INPP4B: variants seen among roughly 807,000 people sequenced by gnomAD.
INPP4B encodes the protein inositol polyphosphate 4-phosphatase type II.
In INPP4B, 55 loss-of-function variants were observed where a neutral mutation model predicts 122.5. The ratio of observed to expected loss-of-function variants is 0.45; its 90% CI spans 0.36 to 0.56. The LOEUF is 0.56. Ranked by LOEUF, INPP4B falls within the 20% of genes least tolerant of loss-of-function variation. The probability of loss-of-function intolerance (pLI) is 0.00; values close to 1 mark genes in which losing one functional copy is unlikely to be tolerated. For synonymous variants in INPP4B, 403 were observed against 388.7 expected (o/e 1.04, Z -0.43); for missense variants, 1,000 against 1,097.7 (o/e 0.91, Z 1.26).
chr4:142,246,958 C>T lies in INPP4B; in HGVS notation c.689-8947G>A, dbSNP rs566013168. ...TTGTCATAAACAGCTCCTATTATTT[C>T]GAAATATGTTCCATCAATACCTACT... On this transcript the variant is annotated intron_variant, in intron 11 of 25. Transcript: ENST00000262992. Among the ~76,000 whole-genome samples, 48 of 152,110 alleles carry T rather than the reference C, an allele frequency of 3.2e-4. No individual in the cohort carries two copies. The East Asian group carries it at 4.8e-3, about 15-fold the overall frequency.
intron 1 of INPP4B, among the ~76,000 whole-genome samples, chr4:142,845,331 T>G (rs1217667962): frequency 6.6e-6 from 1 of 152,122 alleles, no homozygotes; most frequent in Non-Finnish European, 1.5e-5. Flanking sequence ...ATCCTCATCT[T>G]CATATCAGCT....
At chr4:142,482,573 T>C (rs938149149) in intron 2 of INPP4B, among the ~76,000 whole-genome samples, 7 of 152,144 alleles carry the variant, frequency 4.6e-5, no homozygotes, top group Non-Finnish European at 1.0e-4. Context: ...AACTCCAAAG[T>C]AAAAGAATTT....
At chr4:142,404,359 A>G (rs1024653528) in intron 6 of INPP4B, among the ~76,000 whole-genome samples, 3 of 152,212 alleles carry the variant, frequency 2.0e-5, no homozygotes, top group Non-Finnish European at 2.9e-5. Context: ...CATTCAAAAC[A>G]TATGCAGCTC....
chr4:142,107,209 A>G (rs146014283), intron 23 of INPP4B, among the ~76,000 whole-genome samples: 1,766 of 152,252 alleles, frequency 0.012, 109 homozygotes, highest in Admixed American at 0.098. Flanking sequence ...ATATTTGGAT[A>G]CCACATTCAT....
intron 11 of INPP4B, among the ~76,000 whole-genome samples, chr4:142,246,663 C>A (rs998157703): frequency 2.6e-5 from 4 of 152,170 alleles, no homozygotes; most frequent in African/African-American, 9.7e-5. Context: ...TGAGACTTTG[C>A]TGAAGTTGCT....
chr4:142,071,018 T>C lies in INPP4B; in HGVS notation c.2642+11013A>G, dbSNP rs1766940314. 2.0e-5 allele frequency among the ~76,000 whole-genome samples: 3 copies of C among 152,086 alleles called. No homozygotes were observed. In the South Asian group the frequency reaches 6.2e-4, roughly 31 times the overall value. ...GTTTATATAGAACCAAATAAGAGCCTGCATTACCAAGACAATCTTAAGCCA... is the reference window on the plus strand; with the variant it reads ...GTTTATATAGAACCAAATAAGAGCCCGCATTACCAAGACAATCTTAAGCCA... On this transcript the variant is annotated intron_variant, in intron 25 of 25. Transcript: ENST00000262992.
chr4:142,626,245 T>C (rs182868301), intron 2 of INPP4B, among the ~76,000 whole-genome samples: 35 of 152,220 alleles, frequency 2.3e-4, no homozygotes, highest in Non-Finnish European at 4.3e-4. Context: ...GTGAACATGA[T>C]GGACTATCAT....
rs569376058 is a variant in INPP4B, at chr4:142,398,272, G to A, written c.372+4666C>T. On this transcript the variant is annotated intron_variant, in intron 7 of 25. Coordinates refer to ENST00000262992, the MANE Select transcript of INPP4B (RefSeq NM_001101669.3). ...GGGCGCCTGTAGTCCCAGCTACTCG[G>A]GAGGCTGAGGCAGGAGAATGGCGTA... Among the ~76,000 whole-genome samples, 1,198 of 148,830 alleles carry A rather than the reference G, an allele frequency of 8.0e-3. 20 individuals are homozygous for A. The highest frequency in any genetic ancestry group is 0.027 in the African/African-American group (1,091 of 40,352).
intron 9 of INPP4B, among the ~76,000 whole-genome samples, chr4:142,279,980 C>G (rs1371382909): frequency 6.6e-6 from 1 of 151,856 alleles, no homozygotes; most frequent in Non-Finnish European, 1.5e-5. Context: ...ATATGGATGG[C>G]AAATAGCACA....
At chr4:142,401,764 G>A (rs1472882756) in intron 7 of INPP4B, among the ~76,000 whole-genome samples, 2 of 152,120 alleles carry the variant, frequency 1.3e-5, no homozygotes, top group Non-Finnish European at 2.9e-5. Context: ...TATATGGAAC[G>A]GAATCAGAAA....
Position 142,598,740 on chromosome 4 carries a change from G to A in INPP4B, c.-191+127099C>T, listed in dbSNP as rs1357036044. On this transcript the variant is annotated intron_variant, in intron 2 of 25. Coordinates refer to ENST00000262992, the MANE Select transcript of INPP4B (RefSeq NM_001101669.3). ...AGCAGCAGCACAACTTTTGTGCTTGGCCTTGTAAGCAGAGAATGAGAGCCC... is the reference window on the plus strand; with the variant it reads ...AGCAGCAGCACAACTTTTGTGCTTGACCTTGTAAGCAGAGAATGAGAGCCC... 2.0e-5 allele frequency among the ~76,000 whole-genome samples: 3 copies of A among 152,274 alleles called. No individual in the cohort carries two copies. In the South Asian group the frequency reaches 6.2e-4, roughly 32 times the overall value.
chr4:142,161,597 G>A (rs933374409), intron 16 of INPP4B, among the ~76,000 whole-genome samples: 2 of 151,668 alleles, frequency 1.3e-5, no homozygotes, highest in Non-Finnish European at 1.5e-5. Flanking sequence ...TTATTTCTTG[G>A]TGCACTCTCA....
chr4:142,434,331 T>C (rs1384819133), intron 3 of INPP4B, among the ~76,000 whole-genome samples: 1 of 152,160 alleles, frequency 6.6e-6, no homozygotes, highest in African/African-American at 2.4e-5. Context: ...GTGGTGCTCC[T>C]CTCTAGGACT....
chr4:142,693,890 C>A (rs572474953), intron 2 of INPP4B, among the ~76,000 whole-genome samples: 2 of 151,944 alleles, frequency 1.3e-5, no homozygotes, highest in Non-Finnish European at 1.5e-5. Flanking sequence ...GAAGAAAAAG[C>A]CTTGAAAACT....
chr4:142,285,163 AT>A (rs1452098271), intron 9 of INPP4B, among the ~76,000 whole-genome samples: 1 of 151,966 alleles, frequency 6.6e-6, no homozygotes. Context: ...ACTCTGGAGC[AT>A]TGGGATTAAT....
At position 142,237,846 on chromosome 4, in the gene INPP4B, A is replaced by T; in HGVS notation, c.836+18T>A. ...TATAAAATAATTAATATGAGAGAAA[A>T]TAGTTATTTTCTCTTACCTGCACAA... On this transcript the variant is annotated intron_variant, in intron 12 of 25. Transcript: ENST00000262992. 1 of 1,429,904 alleles carries T rather than the reference A, an allele frequency of 7.0e-7. No homozygotes were observed. Among genetic ancestry groups the T allele is most frequent in the South Asian group, 1.3e-5 (1 of 74,360 alleles). 88.6% of individuals were successfully genotyped at this position (1,429,904 alleles called of 1,614,324 possible).
intron 2 of INPP4B, among the ~76,000 whole-genome samples, chr4:142,584,830 G>GC (rs1483413769): frequency 2.6e-5 from 4 of 152,214 alleles, no homozygotes; most frequent in Non-Finnish European, 5.9e-5. Flanking sequence ...TGAGGGCAGA[G>GC]TATCTACAGA....
rs1488667021 is a variant in INPP4B at position 142,118,824 on chromosome 4, C to T, written c.2135+3304G>A. 3.9e-5 allele frequency among the ~76,000 whole-genome samples: 6 copies of T among 152,208 alleles called. No homozygotes were observed. The East Asian group carries it at 1.2e-3, about 29-fold the overall frequency. ...CTAATTAAACTAAAGAGCTTCTGCA[C>T]AGCAAAAGAAACCACCATCAGAGTG... On this transcript the variant is annotated intron_variant, in intron 21 of 25. Coordinates refer to ENST00000262992, the MANE Select transcript of INPP4B (RefSeq NM_001101669.3).
intron 2 of INPP4B, among the ~76,000 whole-genome samples, chr4:142,618,734 G>T (rs936238477): frequency 6.6e-6 from 1 of 151,968 alleles, no homozygotes; most frequent in Non-Finnish European, 1.5e-5. Context: ...AGGCAAATGG[G>T]ACTATACCAA....
Sources: gnomAD v4.1 joint callset for allele counts (sites outside exome capture counted in the v4.1 genomes callset) on GRCh38, gnomAD v4.1.1 for gene constraint, MANE v1.5 for transcripts, NCBI Gene and HGNC (gene_info 2026-07-23, HGNC 2026-07-21) for gene names.